YLPM1: variants seen among roughly 807,000 people sequenced by gnomAD.
YLPM1 encodes YLP motif containing 1.
In YLPM1, 99 loss-of-function variants were observed where a neutral mutation model predicts 230.0. That is an observed-to-expected ratio of 0.43 (90% CI 0.37 to 0.51). The LOEUF (loss-of-function observed/expected upper bound fraction) is 0.51. Ranked by LOEUF, YLPM1 falls within the 20% of genes least tolerant of loss-of-function variation. YLPM1 has a pLI of 0.00. For synonymous variants in YLPM1, 984 were observed against 942.5 expected (o/e 1.04, Z -0.81); for missense variants, 2,592 against 2,707.7 (o/e 0.96, Z 0.95).
chr14:74,829,144 C>A, intron 18 of YLPM1, 69 bp from the exon 19 acceptor site: 1 of 1,580,898 alleles, frequency 6.3e-7, no homozygotes, highest in Non-Finnish European at 8.6e-7. Flanking sequence ...GCCTTCTTTT[C>A]CCCTGTGTGT....
At chr14:74,803,640 A>G (rs953687818) in intron 6 of YLPM1, among the ~76,000 whole-genome samples, 2 of 152,060 alleles carry the variant, frequency 1.3e-5, no homozygotes, top group Non-Finnish European at 2.9e-5. Context: ...AGCATATTCA[A>G]AATGGGGCTC....
rs755442417 is a variant in YLPM1 at position 74,812,644 on chromosome 14, T to C, written c.5364T>C (p.Tyr1788=). 11 of 1,613,392 alleles carry C rather than the reference T, an allele frequency of 6.8e-6. No homozygotes were observed. The highest frequency in any genetic ancestry group is 1.7e-5 in the Admixed American group (1 of 59,932). ...GAATCCTAGGAGAACGAAGGACTTA[T>C]CCTGAGGAGCGAATGCCTCTGCCAG... The part of the protein sequence containing the change: ...PSMFGGERRT[Y]PEERMPLPAP... Residue 1788 remains tyrosine, a synonymous_variant, in exon 11 of 21, where the codon TAT becomes TAC. Transcript: ENST00000325680.
intron 4 of YLPM1, among the ~76,000 whole-genome samples, chr14:74,784,161 C>T (rs1363249772): frequency 6.6e-6 from 1 of 152,230 alleles, no homozygotes; most frequent in Non-Finnish European, 1.5e-5. Context: ...CTTAACACCT[C>T]ATGAAACATA....
intron 1 of YLPM1, among the ~76,000 whole-genome samples, chr14:74,773,554 T>G (rs1290860502): frequency 6.6e-6 from 1 of 152,140 alleles, no homozygotes; most frequent in Non-Finnish European, 1.5e-5. Context: ...AAAGGAAACT[T>G]TTAACTTCTA....
chr14:74,772,186 G>T (rs1398481232), intron 1 of YLPM1, among the ~76,000 whole-genome samples: 4 of 150,078 alleles, frequency 2.7e-5, no homozygotes, highest in African/African-American at 9.8e-5. Context: ...GTCAGTAAGT[G>T]CTTCCTGAGT....
At chr14:74,831,889 A>G (rs1301160770) in intron 19 of YLPM1, among the ~76,000 whole-genome samples, 1 of 152,204 alleles carries the variant, frequency 6.6e-6, no homozygotes, top group Non-Finnish European at 1.5e-5. Context: ...TTATATTAGA[A>G]TTTTGCCTAA....
At chr14:74,822,856 G>A (rs2091533202) in intron 17 of YLPM1, among the ~76,000 whole-genome samples, 1 of 152,098 alleles carries the variant, frequency 6.6e-6, no homozygotes, top group African/African-American at 2.4e-5. Flanking sequence ...ATAATCGTTT[G>A]TAGGGGATCA....
chr14:74,766,419 CATT>C (rs1379131592), intron 1 of YLPM1, among the ~76,000 whole-genome samples: 2 of 152,148 alleles, frequency 1.3e-5, no homozygotes, highest in African/African-American at 4.8e-5. Context: ...ACATACCCAT[CATT>C]GAGATTCAAC....
chr14:74,810,493 TAATAAGTAACA>T, intron 9 of YLPM1, 73 bp downstream of exon 9: 1 of 1,458,260 alleles, frequency 6.9e-7, no homozygotes, highest in Non-Finnish European at 9.4e-7. Context: ...AAGAGAAATT[TAATAAGTAACA>T]TATTCTTCTC....
intron 1 of YLPM1, among the ~76,000 whole-genome samples, chr14:74,769,061 T>G (rs2090944189): frequency 6.6e-6 from 1 of 151,230 alleles, no homozygotes; most frequent in Admixed American, 6.6e-5. Context: ...TTTTTATTTG[T>G]TTTTATTTTA....
At chr14:74,830,040 A>G (rs2091596036) in intron 19 of YLPM1, among the ~76,000 whole-genome samples, 1 of 152,198 alleles carries the variant, frequency 6.6e-6, no homozygotes, top group Admixed American at 6.5e-5. Context: ...CAGACCTCCA[A>G]AATTTAGTTC....
chr14:74,812,743 T>C lies in YLPM1; in HGVS notation c.5463T>C (p.Asp1821=). The C allele has an allele frequency of 6.2e-7, 1 of 1,613,700 alleles. No homozygotes were observed. ...AGCCTGAATCAAAGAATGTGGACGATATTTTGAAACCACCGGGCCGGGAGA... is the reference window on the plus strand; with the variant it reads ...AGCCTGAATCAAAGAATGTGGACGACATTTTGAAACCACCGGGCCGGGAGA... ...EKKPESKNVD[D]ILKPPGRESR... is the part of the protein sequence containing the mutation. The change falls in exon 11 of 21, where the codon GAT becomes GAC. Residue 1821 remains aspartate (D), a synonymous_variant. Coordinates refer to ENST00000325680, the MANE Select transcript of YLPM1 (RefSeq NM_019589.3).
chr14:74,818,550 G>A (rs2091497094), intron 16 of YLPM1, among the ~76,000 whole-genome samples: 1 of 152,086 alleles, frequency 6.6e-6, no homozygotes, highest in Non-Finnish European at 1.5e-5. Context: ...CCATTTGAGA[G>A]TTAAGTTGCA....
chr14:74,798,767 T>C lies in YLPM1; in HGVS notation c.3470T>C (p.Leu1157Pro). 1 of 1,613,698 alleles carries C rather than the reference T, an allele frequency of 6.2e-7. No homozygotes were observed. Among genetic ancestry groups the C allele is most frequent in the Non-Finnish European group, 8.5e-7 (1 of 1,179,796 alleles). ...PRGPGSRERG[L>P]GRSDFGRDRG... ...GGGCCTGGCAGTCGAGAAAGGGGAC[T>C]GGGAAGATCAGATTTTGGTCGTGAT... Residue 1157 changes from leucine (L) to proline (P), a missense_variant, in exon 5 of 21, where the codon CTG (leucine) becomes CCG (proline). Coordinates refer to ENST00000325680, the MANE Select transcript of YLPM1 (RefSeq NM_019589.3).
At chr14:74,787,502 C>G (rs1044254372) in intron 4 of YLPM1, among the ~76,000 whole-genome samples, 3 of 151,474 alleles carry the variant, frequency 2.0e-5, no homozygotes, top group African/African-American at 7.3e-5. Context: ...GTGGAGGATG[C>G]AGTGAGCCGA....
chr14:74,803,878 C>T (rs1396526792), intron 6 of YLPM1, among the ~76,000 whole-genome samples: 1 of 152,158 alleles, frequency 6.6e-6, no homozygotes, highest in African/African-American at 2.4e-5. Flanking sequence ...AAATTCTCGG[C>T]CAGGCGCGGT....
chr14:74,792,657 C>A (rs2091218285), intron 4 of YLPM1, among the ~76,000 whole-genome samples: 1 of 152,202 alleles, frequency 6.6e-6, no homozygotes, highest in Non-Finnish European at 1.5e-5. Context: ...TTATGTTGCC[C>A]TTTTCACTAC....
intron 19 of YLPM1, among the ~76,000 whole-genome samples, chr14:74,829,957 A>G (rs1252986466): frequency 6.6e-6 from 1 of 152,250 alleles, no homozygotes; most frequent in Non-Finnish European, 1.5e-5. Context: ...ATTTCAGGAA[A>G]TGGTATTTAA....
At chr14:74,805,305 A>G (rs10142972) in intron 6 of YLPM1, among the ~76,000 whole-genome samples, 105,732 of 151,664 alleles carry the variant, frequency 0.7, 36,947 homozygotes, top group East Asian at 0.78. Context: ...ACAGGCATGA[A>G]CCACCGCACC....
Sources: allele counts gnomAD v4.1 joint callset (sites outside exome capture counted in the v4.1 genomes callset), GRCh38; gene constraint gnomAD v4.1.1; transcripts MANE v1.5; gene names NCBI Gene and HGNC (gene_info 2026-07-23, HGNC 2026-07-21).